The following WDPCP variants were observed in gnomAD, a reference collection of about 807,000 sequenced individuals.
WDPCP encodes WD repeat containing planar cell polarity effector.
WDPCP carries 71 observed loss-of-function variants against 93.1 expected under a neutral mutation model. The observed-to-expected ratio is 0.76, with a 90% CI of 0.63 to 0.93. The LOEUF is 0.93. WDPCP is among the 40% of genes least tolerant of loss of function. WDPCP has a pLI of 0.00. For synonymous variants in WDPCP, 315 were observed against 315.0 expected (o/e 1.00, Z 0.00); for missense variants, 844 against 887.4 (o/e 0.95, Z 0.62).
intron 2 of WDPCP, among the ~76,000 whole-genome samples, chr2:63,774,443 G>A (rs1015069119): frequency 1.3e-5 from 2 of 151,998 alleles, no homozygotes; most frequent in African/African-American, 2.4e-5. Context: ...ATCTCCCCAG[G>A]AAATCTCAAC....
intron 2 of WDPCP, among the ~76,000 whole-genome samples, chr2:63,755,272 A>G (rs78335969): frequency 6.6e-6 from 1 of 152,216 alleles, no homozygotes; most frequent in Non-Finnish European, 1.5e-5. Context: ...ACTGACAGCC[A>G]TCTCAGAGGT....
chr2:63,782,806 T>A (rs183220032), intron 2 of WDPCP, among the ~76,000 whole-genome samples: 1 of 149,366 alleles, frequency 6.7e-6, no homozygotes, highest in Non-Finnish European at 1.5e-5. Flanking sequence ...GTGTAATATA[T>A]AAAAGGACAA....
chr2:63,361,026 C>T lies in WDPCP; in HGVS notation c.1748+17360G>A, dbSNP rs544201551. On this transcript the variant is annotated intron_variant, in intron 12 of 17. Transcript: ENST00000272321. ...TAAGAACAGGAACTTGGGAAATTAA[C>T]TAAATGCATGTCCGTCTTCCAGCCG... 3.9e-5 allele frequency among the ~76,000 whole-genome samples: 6 copies of T among 152,290 alleles called. No individual in the cohort carries two copies. In the South Asian group the frequency reaches 1.2e-3, roughly 32 times the overall value.
intron 13 of WDPCP, among the ~76,000 whole-genome samples, chr2:63,300,784 G>T (rs952882117): frequency 6.6e-6 from 1 of 152,236 alleles, no homozygotes; most frequent in Non-Finnish European, 1.5e-5. Context: ...CACAGTGACT[G>T]TCTCTCTCTT....
chr2:63,431,433 TC>T (rs1696752397), intron 9 of WDPCP, among the ~76,000 whole-genome samples: 1 of 152,150 alleles, frequency 6.6e-6, no homozygotes, highest in South Asian at 2.1e-4. Context: ...CTATAGTAGA[TC>T]CAATGATTAA....
chr2:63,191,324 G>A (rs954892169), intron 14 of WDPCP, among the ~76,000 whole-genome samples: 7 of 152,162 alleles, frequency 4.6e-5, no homozygotes, highest in South Asian at 4.2e-4. Context: ...CCCGGGAGGC[G>A]GAGCTTGCAG....
At chr2:63,623,341 C>T (rs1034861389) in intron 3 of WDPCP, among the ~76,000 whole-genome samples, 16 of 152,094 alleles carry the variant, frequency 1.1e-4, no homozygotes, top group Non-Finnish European at 1.2e-4. Flanking sequence ...CAATATTAAA[C>T]TCAAATGTAA....
intron 13 of WDPCP, among the ~76,000 whole-genome samples, chr2:63,300,280 A>T (rs941013966): frequency 6.6e-6 from 1 of 152,176 alleles, no homozygotes; most frequent in Admixed American, 6.5e-5. Context: ...CCCAGGGTTT[A>T]TAACCCAGAC....
intron 11 of WDPCP, among the ~76,000 whole-genome samples, chr2:63,379,092 G>C (rs1692090927): frequency 6.6e-6 from 1 of 152,080 alleles, no homozygotes; most frequent in Non-Finnish European, 1.5e-5. Context: ...TCTGGGAGAG[G>C]AAACAAGGAC....
chr2:63,135,731 T>A (rs1256445797), intron 17 of WDPCP, among the ~76,000 whole-genome samples: 1 of 152,088 alleles, frequency 6.6e-6, no homozygotes, highest in Non-Finnish European at 1.5e-5. Flanking sequence ...GAAATTAAGT[T>A]TTTTTGTTTG....
chr2:63,281,759 G>C (rs1458791191), intron 13 of WDPCP, among the ~76,000 whole-genome samples: 2 of 152,118 alleles, frequency 1.3e-5, no homozygotes, highest in African/African-American at 2.4e-5. Context: ...TCACTCACAA[G>C]TGGGAGCTAA....
chr2:63,221,685 C>T (rs1368687021), intron 14 of WDPCP, among the ~76,000 whole-genome samples: 1 of 152,096 alleles, frequency 6.6e-6, no homozygotes, highest in African/African-American at 2.4e-5. Flanking sequence ...AGATAACTTC[C>T]CCTCCATTTC....
chr2:63,591,546 T>TTA (rs1709201597), upstream of WDPCP, among the ~76,000 whole-genome samples: 2 of 152,228 alleles, frequency 1.3e-5, no homozygotes, highest in Non-Finnish European at 2.9e-5. Flanking sequence ...ACCATATAGG[T>TTA]GACCTTATGG....
chr2:63,682,130 C>G (rs1668719198), intron 2 of WDPCP, among the ~76,000 whole-genome samples: 1 of 152,216 alleles, frequency 6.6e-6, no homozygotes, highest in African/African-American at 2.4e-5. Flanking sequence ...CATACACTGA[C>G]AGACATCCAC....
rs1709036772 is a variant in WDPCP, at chr2:63,588,455, C to G, written c.-184G>C. 2.8e-6 allele frequency: 2 copies of G among 705,872 alleles called. No individual in the cohort carries two copies. Among genetic ancestry groups the G allele is most frequent in the East Asian group, 5.4e-5 (2 of 37,124 alleles). The allele number at this position is 705,872 out of a possible 1,614,324, so 43.7% of individuals were successfully genotyped here. A position where few individuals can be genotyped will look rare whatever the true frequency, so the allele number is the denominator to read the frequency against. On this transcript the variant is annotated 5_prime_UTR_variant, in exon 1 of 18. Coordinates refer to ENST00000272321, the MANE Select transcript of WDPCP (RefSeq NM_015910.7). ...CCTCGTCGCTTAGCAACCTGAGAAG[C>G]TGTCCGGTCGTCCCAACTTATCAAT...
At chr2:63,755,897 C>T (rs1669961115) in intron 2 of WDPCP, among the ~76,000 whole-genome samples, 1 of 152,224 alleles carries the variant, frequency 6.6e-6, no homozygotes, top group African/African-American at 2.4e-5. Context: ...AGAATCTCCC[C>T]TGCAGAAATG....
chr2:63,188,710 A>C (rs1485313468), intron 14 of WDPCP, among the ~76,000 whole-genome samples: 1 of 151,922 alleles, frequency 6.6e-6, no homozygotes, highest in Non-Finnish European at 1.5e-5. Context: ...ATTTCTGTGC[A>C]GTTCTGTGTT....
chr2:63,565,807 C>G (rs1706997936), intron 1 of WDPCP, among the ~76,000 whole-genome samples: 1 of 152,160 alleles, frequency 6.6e-6, no homozygotes, highest in African/African-American at 2.4e-5. Flanking sequence ...TAAAACTTTG[C>G]AAAGGAGATT....
intron 1 of WDPCP, among the ~76,000 whole-genome samples, chr2:63,584,239 T>G (rs967821672): frequency 6.6e-6 from 1 of 152,100 alleles, no homozygotes; most frequent in Non-Finnish European, 1.5e-5. Flanking sequence ...AAGACCCCAG[T>G]ACCCCGTCTC....
Sources: allele counts gnomAD v4.1 joint callset (sites outside exome capture counted in the v4.1 genomes callset), GRCh38; gene constraint gnomAD v4.1.1; transcripts MANE v1.5; gene names NCBI Gene and HGNC (gene_info 2026-07-23, HGNC 2026-07-21).